Variants in TSPEAR observed in about 807,000 individuals in gnomAD.
The protein encoded by TSPEAR is thrombospondin-type laminin G domain and EAR repeat-containing protein.
In TSPEAR, 69 loss-of-function variants were observed where a neutral mutation model predicts 71.6. The ratio of observed to expected loss-of-function variants is 0.96; its 90% CI spans 0.79 to 1.18. TSPEAR has a LOEUF of 1.18. TSPEAR is among the 50% of genes most tolerant of loss of function. The pLI, the probability that TSPEAR is intolerant of heterozygous loss-of-function variation, is 0.00. For missense variants in TSPEAR, 971 were observed against 894.9 expected (o/e 1.09, Z -1.09); for synonymous variants, 402 against 387.2 (o/e 1.04, Z -0.45).
At position 44,528,536 on chromosome 21, in the gene TSPEAR, C is replaced by A. The variant is rs914553338; in HGVS notation, c.838G>T (p.Val280Leu). Residue 280 changes from valine to leucine, a missense_variant, in exon 6 of 12, where the codon GTG (valine) becomes TTG (leucine). Physicochemically the swap from Val to Leu is conservative, Grantham distance 32 (BLOSUM62 1). Transcript: ENST00000323084. ...TLGPQPPCTE[V>L]EDAQFWFDAS... ...TCAAACCAGAACTGGGCGTCTTCCA[C>A]CTCGGTACACGGTGGCTGGGGTCCC... The A allele has an allele frequency of 6.2e-7, 1 of 1,614,052 alleles. No homozygotes were observed. Among genetic ancestry groups the A allele is most frequent in the Non-Finnish European group, 8.5e-7 (1 of 1,180,042 alleles).
chr21:44,648,246 G>C (rs1984557727), intron 1 of TSPEAR, among the ~76,000 whole-genome samples: 1 of 152,206 alleles, frequency 6.6e-6, no homozygotes, highest in South Asian at 2.1e-4. Context: ...CAGTGGGAGA[G>C]GATGAGGCTG....
chr21:44,509,069 C>A, intron 10 of TSPEAR, 130 bp downstream of exon 10: 1 of 1,386,730 alleles, frequency 7.2e-7, no homozygotes. Context: ...CCAGGCCATT[C>A]TTTCCACAGG....
Position 44,504,802 on chromosome 21 carries a change from A to G in TSPEAR, c.1834T>C (p.Ser612Pro). Residue 612 changes from serine (S) to proline (P), a missense_variant, in exon 11 of 12, where the codon TCG becomes CCG. By Grantham distance (74) the Ser-to-Pro change is moderately conservative. Coordinates refer to ENST00000323084, the MANE Select transcript of TSPEAR (RefSeq NM_144991.3). Reference sequence around the variant, plus strand: ...TACCTGTAAATAATACTGTTCACCGAGAAGGTACGCCCATCGAAGGAGTTG... The same window carrying G: ...TACCTGTAAATAATACTGTTCACCGGGAAGGTACGCCCATCGAAGGAGTTG... Reference protein sequence around the residue: ...VANSFDGRTFSVNSIIYRWQG... With the variant: ...VANSFDGRTFPVNSIIYRWQG... 1 of 1,613,874 alleles carries G rather than the reference A, an allele frequency of 6.2e-7. No homozygotes were observed. Among genetic ancestry groups the G allele is most frequent in the African/African-American group, 1.3e-5 (1 of 74,992 alleles).
intron 1 of TSPEAR, among the ~76,000 whole-genome samples, chr21:44,648,941 C>T (rs1285470850): frequency 6.6e-6 from 1 of 152,224 alleles, no homozygotes; most frequent in Non-Finnish European, 1.5e-5. Context: ...CCCTTGTGAA[C>T]GTGCGTGAAG....
chr21:44,637,636 A>G (rs782729803), intron 1 of TSPEAR: 217 of 1,613,470 alleles, frequency 1.3e-4, no homozygotes, highest in Non-Finnish European at 1.8e-4. Flanking sequence ...GCACAACCCC[A>G]TGCTACCAGC....
At chr21:44,554,773 T>C (rs2053499764) in intron 2 of TSPEAR, among the ~76,000 whole-genome samples, 1 of 152,248 alleles carries the variant, frequency 6.6e-6, no homozygotes, top group Non-Finnish European at 1.5e-5. Context: ...ACCTGTTCCT[T>C]CTGCCATCTT....
chr21:44,505,620 A>G (rs1164877503), intron 10 of TSPEAR, among the ~76,000 whole-genome samples: 6 of 114,314 alleles, frequency 5.2e-5, no homozygotes, highest in Non-Finnish European at 6.9e-5. Flanking sequence ...TTCTGTCTCT[A>G]TGAATTTGAC....
intron 1 of TSPEAR, among the ~76,000 whole-genome samples, chr21:44,626,814 C>T (rs1555934453): frequency 6.6e-6 from 1 of 152,080 alleles, no homozygotes; most frequent in African/African-American, 2.4e-5. Context: ...GCCCCAGGCA[C>T]ATCCCACCCA....
rs1987301824 is a variant in TSPEAR at position 44,695,685 on chromosome 21, A to G, written c.82+15748T>C. 6.6e-6 allele frequency among the ~76,000 whole-genome samples: 1 copy of G among 152,230 alleles called. No individual in the cohort carries two copies. The highest frequency in any genetic ancestry group is 2.4e-5 in the African/African-American group (1 of 41,458). On this transcript the variant is annotated intron_variant, in intron 1 of 11. Transcript: ENST00000323084. The surrounding 1 kb of genome is among the most constrained non-coding windows in gnomAD (Gnocchi z 4.5). ...GAAATCAGCCAGGATATGAATATTT[A>G]CACCACGGATGACAGCTAACACTCC...
intron 9 of TSPEAR, among the ~76,000 whole-genome samples, chr21:44,521,069 C>T (rs924178435): frequency 1.3e-5 from 2 of 152,166 alleles, no homozygotes; most frequent in African/African-American, 4.8e-5. Context: ...GGGAATGAGT[C>T]GCCAGGTCAG....
intron 1 of TSPEAR, chr21:44,575,186 G>T (rs114829255): frequency 1.3e-6 from 1 of 746,138 alleles, no homozygotes; most frequent in Non-Finnish European, 2.2e-6. Context: ...GCCCTCTTGC[G>T]GGGGGAGGGG....
intron 8 of TSPEAR, among the ~76,000 whole-genome samples, chr21:44,524,691 A>C (rs2145968080): frequency 6.6e-6 from 1 of 152,206 alleles, no homozygotes; most frequent in East Asian, 1.9e-4. Context: ...TTAGTCAGTC[A>C]GCTAGTCAGT....
In TSPEAR at chr21:44,682,805, AC is replaced by A. The variant is rs1986670109; in HGVS notation, c.82+28627del. ...GCCGGAGTCAGAGCAGAATACAGTG[AC>A]CCAACTCTGCCGAGGAGGAAGGGGC... On this transcript the variant is annotated intron_variant, in intron 1 of 11. Coordinates refer to ENST00000323084, the MANE Select transcript of TSPEAR (RefSeq NM_144991.3). Among the ~76,000 whole-genome samples, 3 of 152,110 alleles carry A rather than the reference AC, an allele frequency of 2.0e-5. 1 individual carries two copies. The South Asian group carries it at 6.2e-4, about 32-fold the overall frequency.
chr21:44,567,021 A>G (rs2053712312), intron 2 of TSPEAR, among the ~76,000 whole-genome samples: 2 of 152,240 alleles, frequency 1.3e-5, no homozygotes, highest in South Asian at 4.1e-4. Context: ...GAACATCATC[A>G]TGGTTTAAAC....
intron 1 of TSPEAR, among the ~76,000 whole-genome samples, chr21:44,685,477 G>T (rs1986813178): frequency 1.3e-5 from 2 of 152,036 alleles, no homozygotes; most frequent in South Asian, 4.1e-4. Context: ...CAGCGAGGGA[G>T]AGGAACCAGA....
chr21:44,677,591 T>C, intron 1 of TSPEAR: 2 of 1,035,014 alleles, frequency 1.9e-6, no homozygotes, highest in Non-Finnish European at 3.0e-6. Flanking sequence ...TGGGTTTTCC[T>C]TCATCAATTG....
intron 10 of TSPEAR, among the ~76,000 whole-genome samples, chr21:44,507,599 C>T (rs587722908): frequency 6.6e-6 from 1 of 152,312 alleles, no homozygotes; most frequent in South Asian, 2.1e-4. Flanking sequence ...GTGACAGGGC[C>T]ATAAGTCGCG....
intron 8 of TSPEAR, 60 bp downstream of exon 8, chr21:44,525,593 C>T: frequency 6.5e-7 from 1 of 1,547,460 alleles, no homozygotes; most frequent in Admixed American, 1.8e-5. Flanking sequence ...GCCCTGCCTG[C>T]AAGTCTCGCT....
rs1986903471 is a variant in TSPEAR at position 44,687,301 on chromosome 21, A to G, written c.82+24132T>C. Among the ~76,000 whole-genome samples the G allele has an allele frequency of 6.6e-6, 1 of 152,000 alleles. No individual in the cohort carries two copies. Among genetic ancestry groups the G allele is most frequent in the Admixed American group, 6.5e-5 (1 of 15,272 alleles). The stretch of plus-strand genomic sequence containing the variant: ...GTGACACACTGGGCGCCTGGTGATT[A>G]CTCAGCTTCTGGGTGCTGAGGGCTC... On this transcript the variant is annotated intron_variant, in intron 1 of 11. Transcript: ENST00000323084. The surrounding 1 kb of genome is among the most constrained non-coding windows in gnomAD (Gnocchi z 4.4).
Sources: allele counts gnomAD v4.1 joint callset (sites outside exome capture counted in the v4.1 genomes callset), GRCh38; gene constraint gnomAD v4.1.1; non-coding constraint Gnocchi (gnomAD v3.1); transcripts MANE v1.5; gene names NCBI Gene and HGNC (gene_info 2026-07-23, HGNC 2026-07-21).